CNGB3: variants seen among roughly 807,000 people sequenced by gnomAD.
CNGB3 encodes the protein cyclic nucleotide-gated channel beta-3.
In CNGB3, 86 loss-of-function variants were observed where a neutral mutation model predicts 92.8. The ratio of observed to expected loss-of-function variants is 0.93; its 90% confidence interval spans 0.78 to 1.11. The LOEUF is 1.11. Among genes scored for constraint, CNGB3 ranks in the 50% least tolerant of loss-of-function variants. The pLI is 0.00. For missense variants in CNGB3, 1,026 were observed against 956.8 expected, an observed-to-expected ratio of 1.07 and a Z score of -0.95; for synonymous variants, 333 against 332.7, an observed-to-expected ratio of 1.00 and a Z score of -0.01.
intron 15 of CNGB3, among the ~76,000 whole-genome samples, chr8:86,593,578 T>A (rs16915984): frequency 0.027 from 4,116 of 152,340 alleles, 163 homozygotes; most frequent in African/African-American, 0.086. Flanking sequence ...CTTCGAGGTC[T>A]TTATTGCCAC....
chr8:86,586,946 C>A lies in CNGB3; in HGVS notation c.1782-7694G>T, dbSNP rs1412632556. 7.9e-4 allele frequency among the ~76,000 whole-genome samples: 109 copies of A among 138,706 alleles called. 2 individuals carry two copies. The East Asian group carries it at 0.021, about 27-fold the overall frequency. The allele number at this position is 138,706 out of a possible 152,430, so 91.0% of individuals were successfully genotyped here. A position where few individuals can be genotyped will look rare whatever the true frequency, so the allele number is the denominator to read the frequency against. On this transcript the variant is annotated intron_variant, in intron 15 of 17. Transcript: ENST00000320005. ...CACAATGGTTGAACTAGTTTACAGT[C>A]CCACCAACAGTGTAAAAGTGTTCCT...
At chr8:86,711,835 C>CTATA (rs10608743) in intron 3 of CNGB3, among the ~76,000 whole-genome samples, 3 of 123,764 alleles carry the variant, frequency 2.4e-5, no homozygotes, top group Non-Finnish European at 5.4e-5. Context: ...CTCTCTCTCT[C>CTATA]TATATATATA....
At chr8:86,705,268 TTTAAG>T (rs1205927536) in intron 3 of CNGB3, among the ~76,000 whole-genome samples, 3 of 152,184 alleles carry the variant, frequency 2.0e-5, no homozygotes, top group African/African-American at 7.2e-5. Flanking sequence ...ATTTTCATCG[TTTAAG>T]TTTTGTTTGG....
chr8:86,639,116 A>C (rs35408732), intron 10 of CNGB3, among the ~76,000 whole-genome samples: 9,096 of 152,088 alleles, frequency 0.06, 306 homozygotes, highest in South Asian at 0.11. Context: ...CCTTCCTTAC[A>C]TCAACTAAAG....
chr8:86,740,222 G>A (rs1009386361), intron 1 of CNGB3, among the ~76,000 whole-genome samples: 1 of 152,156 alleles, frequency 6.6e-6, no homozygotes, highest in Admixed American at 6.5e-5. Flanking sequence ...TCCTACAGGG[G>A]CAGAGTGAAA....
chr8:86,619,722 C>G (rs1822688736), intron 13 of CNGB3, among the ~76,000 whole-genome samples: 2 of 116,574 alleles, frequency 1.7e-5, no homozygotes, highest in African/African-American at 6.6e-5. Flanking sequence ...TTGCCTTGGT[C>G]TTGACCTTTT....
intron 3 of CNGB3, among the ~76,000 whole-genome samples, chr8:86,682,643 C>A (rs1268381905): frequency 6.6e-6 from 1 of 151,972 alleles, no homozygotes; most frequent in African/African-American, 2.4e-5. Context: ...GTGGAGAGCT[C>A]CTGGAAGGGA....
intron 3 of CNGB3, among the ~76,000 whole-genome samples, chr8:86,709,744 A>T (rs1228292646): frequency 1.3e-5 from 2 of 152,226 alleles, no homozygotes; most frequent in Non-Finnish European, 1.5e-5. Flanking sequence ...AGGAAGAATG[A>T]TCAAGACATT....
At chr8:86,658,924 TCTC>T (rs767749704) in intron 6 of CNGB3, 12 of 1,003,598 alleles carry the variant, frequency 1.2e-5, no homozygotes, top group Non-Finnish European at 1.7e-5. Context: ...TCCAGCAGCC[TCTC>T]CTCCTGCTCT....
At chr8:86,577,916 T>C (rs1821688332) in intron 17 of CNGB3, among the ~76,000 whole-genome samples, 1 of 152,144 alleles carries the variant, frequency 6.6e-6, no homozygotes, top group East Asian at 1.9e-4. Flanking sequence ...TTTGTTTGTT[T>C]GTTTGTTTTT....
At chr8:86,610,842 A>G (rs968252937) in intron 14 of CNGB3, among the ~76,000 whole-genome samples, 4 of 152,222 alleles carry the variant, frequency 2.6e-5, no homozygotes, top group African/African-American at 9.6e-5. Context: ...CTTTTTATTT[A>G]TAATAGCAAA....
chr8:86,621,634 C>T (rs1486194444), intron 13 of CNGB3, among the ~76,000 whole-genome samples: 2 of 152,044 alleles, frequency 1.3e-5, no homozygotes, highest in East Asian at 1.9e-4. Context: ...TCCTTCACCC[C>T]CCTTCCCACC....
At chr8:86,582,563 C>CA (rs1353640346) in intron 15 of CNGB3, among the ~76,000 whole-genome samples, 1 of 152,044 alleles carries the variant, frequency 6.6e-6, no homozygotes, top group Admixed American at 6.5e-5. Context: ...AAACCAAAGA[C>CA]AAAACCTTGA....
intron 6 of CNGB3, among the ~76,000 whole-genome samples, chr8:86,662,415 A>G (rs1395523358): frequency 6.6e-6 from 1 of 152,236 alleles, no homozygotes; most frequent in Non-Finnish European, 1.5e-5. Flanking sequence ...ATCCTCAGGT[A>G]AGAAAGAGAG....
chr8:86,636,023 G>T (rs1341241847), intron 10 of CNGB3, among the ~76,000 whole-genome samples: 1 of 150,324 alleles, frequency 6.7e-6, no homozygotes, highest in Non-Finnish European at 1.5e-5. Flanking sequence ...TAAACAAACA[G>T]AAAAATTAAA....
intron 4 of CNGB3, 47 bp from the exon 5 acceptor site, chr8:86,668,215 T>C: frequency 1.2e-6 from 2 of 1,605,272 alleles, no homozygotes; most frequent in Non-Finnish European, 1.7e-6. Flanking sequence ...GAGGTTAAGT[T>C]AGTTTAGTTA....
At chr8:86,623,228 CA>C (rs538578167) in intron 13 of CNGB3, among the ~76,000 whole-genome samples, 2 of 152,170 alleles carry the variant, frequency 1.3e-5, no homozygotes, top group Non-Finnish European at 2.9e-5. Context: ...CCCCCGAACT[CA>C]GATTTATAAA....
intron 6 of CNGB3, among the ~76,000 whole-genome samples, chr8:86,655,793 G>C (rs1293683317): frequency 6.6e-6 from 1 of 152,194 alleles, no homozygotes; most frequent in Non-Finnish European, 1.5e-5. Context: ...GATGACTAGA[G>C]TGGCATTTGT....
intron 15 of CNGB3, among the ~76,000 whole-genome samples, chr8:86,580,076 A>G (rs1767406887): frequency 6.6e-6 from 1 of 151,768 alleles, no homozygotes; most frequent in Non-Finnish European, 1.5e-5. Flanking sequence ...GTGGAAGGCA[A>G]TTGGGAAGCA....
Sources: gnomAD v4.1 joint callset for allele counts (sites outside exome capture counted in the v4.1 genomes callset) on GRCh38, gnomAD v4.1.1 for gene constraint, MANE v1.5 for transcripts, NCBI Gene and HGNC (gene_info 2026-07-23, HGNC 2026-07-21) for gene names.